Variants in SLC35F4 observed in about 807,000 individuals in gnomAD.
SLC35F4 encodes the protein solute carrier family 35 member F4, also known as chromosome 14 open reading frame 36.
Under a neutral mutation model 44.2 loss-of-function variants are expected in SLC35F4, and 24 were observed. The observed-to-expected ratio is 0.54, with a 90% CI of 0.39 to 0.76. The LOEUF (loss-of-function observed/expected upper bound fraction) is 0.76. Among genes scored for constraint, SLC35F4 ranks in the 30% least tolerant of loss-of-function variants. SLC35F4 has a pLI of 0.00. For missense variants in SLC35F4, 562 were observed against 586.1 expected (o/e 0.96, Z 0.42); for synonymous variants, 238 against 223.6 (o/e 1.06, Z -0.57).
At chr14:57,845,895 C>T (rs540531480) in intron 1 of SLC35F4, among the ~76,000 whole-genome samples, 14 of 152,142 alleles carry the variant, frequency 9.2e-5, no homozygotes, top group Non-Finnish European at 2.1e-4. Context: ...TCCTGGGAGA[C>T]AGCCCTACAC....
intron 1 of SLC35F4, among the ~76,000 whole-genome samples, chr14:57,821,807 T>C (rs1883205893): frequency 6.6e-6 from 1 of 152,206 alleles, no homozygotes; most frequent in Non-Finnish European, 1.5e-5. Flanking sequence ...GCTGAAGTTA[T>C]CACTAATAAA....
chr14:57,833,913 AT>A (rs1884643622), intron 1 of SLC35F4, among the ~76,000 whole-genome samples: 1 of 152,230 alleles, frequency 6.6e-6, no homozygotes, highest in Non-Finnish European at 1.5e-5. Flanking sequence ...AACAGCCTCA[AT>A]TTGAGAAAAT....
At chr14:57,583,840 T>C (rs538337872) in intron 3 of SLC35F4, among the ~76,000 whole-genome samples, 1 of 152,032 alleles carries the variant, frequency 6.6e-6, no homozygotes, top group African/African-American at 2.4e-5. Flanking sequence ...AAAAAAAATA[T>C]GGATTTTTAT....
At chr14:57,624,343 G>A (rs527297748) in intron 1 of SLC35F4, among the ~76,000 whole-genome samples, 11 of 152,250 alleles carry the variant, frequency 7.2e-5, no homozygotes, top group Middle Eastern at 3.4e-3. Flanking sequence ...AGGACCAGGC[G>A]GATTCACAGC....
intron 1 of SLC35F4, among the ~76,000 whole-genome samples, chr14:57,651,366 C>G (rs1008960695): frequency 6.6e-6 from 1 of 152,036 alleles, no homozygotes; most frequent in Non-Finnish European, 1.5e-5. Context: ...AGTGAGTCAT[C>G]CTAGGGAGTG....
chr14:57,831,301 C>T lies in SLC35F4; in HGVS notation c.103+34422G>A, dbSNP rs569303540. ...AGCCGGAAAGAGGGCCCTCACTAGA[C>T]ACAGAGTTTGTTGGCACCTTGATCT... On this transcript the variant is annotated intron_variant, in intron 1 of 7. Transcript: ENST00000556826. Among the ~76,000 whole-genome samples the T allele has an allele frequency of 2.5e-4, 38 of 152,312 alleles. 1 individual carries two copies. The South Asian group carries it at 7.5e-3, about 30-fold the overall frequency.
chr14:57,798,155 T>G (rs1378716236), intron 1 of SLC35F4, among the ~76,000 whole-genome samples: 2 of 139,310 alleles, frequency 1.4e-5, no homozygotes, highest in Non-Finnish European at 3.0e-5. Flanking sequence ...AAAATTGTGA[T>G]AGACCACTGA....
chr14:57,588,629 G>GAAAC (rs1338040293), intron 3 of SLC35F4, among the ~76,000 whole-genome samples: 3 of 152,130 alleles, frequency 2.0e-5, no homozygotes, highest in African/African-American at 7.2e-5. Context: ...GGTTAGCAAG[G>GAAAC]AAACAGACAA....
intron 1 of SLC35F4, among the ~76,000 whole-genome samples, chr14:57,649,845 G>T (rs1293653263): frequency 6.6e-6 from 1 of 152,106 alleles, no homozygotes; most frequent in African/African-American, 2.4e-5. Context: ...TGAATCCAGA[G>T]ATTTGATATT....
intron 1 of SLC35F4, among the ~76,000 whole-genome samples, chr14:57,798,264 C>G (rs542645743): frequency 6.6e-6 from 1 of 152,006 alleles, no homozygotes; most frequent in African/African-American, 2.4e-5. Context: ...CCTAGAGGAC[C>G]TGAGAGGCTA....
rs188157353 is a variant in SLC35F4 at position 57,864,366 on chromosome 14, A to G, written c.103+1357T>C. Among the ~76,000 whole-genome samples, 914 of 152,312 alleles carry G rather than the reference A, an allele frequency of 6.0e-3. 10 individuals are homozygous for G. The highest frequency in any genetic ancestry group is 0.017 in the Middle Eastern group (5 of 294). ...TTCCAGAAAATTCTAACACTATATA[A>G]TTACTTTTGTATGGAAAATGAATAA... is the stretch of plus-strand genomic sequence containing the variant. On this transcript the variant is annotated intron_variant, in intron 1 of 7. Transcript: ENST00000556826.
At chr14:57,847,578 C>T (rs12434226) in intron 1 of SLC35F4, among the ~76,000 whole-genome samples, 45,468 of 151,920 alleles carry the variant, frequency 0.3, 8,889 homozygotes, top group East Asian at 0.72. Flanking sequence ...TCCTATAATA[C>T]AAGGTCATGT....
At chr14:57,583,858 C>T (rs545308776) in intron 3 of SLC35F4, among the ~76,000 whole-genome samples, 52 of 152,082 alleles carry the variant, frequency 3.4e-4, no homozygotes, top group African/African-American at 1.1e-3. Flanking sequence ...TATGGAGAAG[C>T]GAATAACAGT....
chr14:57,697,985 C>T (rs931325042), intron 1 of SLC35F4, among the ~76,000 whole-genome samples: 4 of 152,148 alleles, frequency 2.6e-5, no homozygotes, highest in Admixed American at 2.6e-4. Context: ...CAGATTTCAC[C>T]ATTTACCGGC....
At chr14:57,695,737 C>T (rs542689010) in intron 1 of SLC35F4, among the ~76,000 whole-genome samples, 20 of 152,274 alleles carry the variant, frequency 1.3e-4, no homozygotes, top group Middle Eastern at 3.4e-3. Context: ...TTTATAACAG[C>T]ACTACTCACA....
chr14:57,929,923 T>C (rs1889661486), intron 1 of SLC35F4, among the ~76,000 whole-genome samples: 2 of 152,108 alleles, frequency 1.3e-5, no homozygotes, highest in South Asian at 4.1e-4. Flanking sequence ...TTTTTTTCCC[T>C]TCACAGAAAC....
At chr14:57,908,321 C>T (rs1889149464) in intron 1 of SLC35F4, among the ~76,000 whole-genome samples, 1 of 152,176 alleles carries the variant, frequency 6.6e-6, no homozygotes, top group Admixed American at 6.5e-5. Context: ...AATGGGATTG[C>T]TGAGTTAAAT....
intron 1 of SLC35F4, among the ~76,000 whole-genome samples, chr14:57,735,167 T>C (rs957798741): frequency 6.6e-6 from 1 of 152,204 alleles, no homozygotes; most frequent in African/African-American, 2.4e-5. Flanking sequence ...GTGACTTAGT[T>C]GCAGACTTTT....
At chr14:57,810,962 A>C (rs1733685803) in intron 1 of SLC35F4, among the ~76,000 whole-genome samples, 1 of 152,210 alleles carries the variant, frequency 6.6e-6, no homozygotes. Flanking sequence ...TATTAAGGGA[A>C]GCTCTGTCCC....
Sources: gnomAD v4.1 joint callset for allele counts (sites outside exome capture counted in the v4.1 genomes callset) on GRCh38, gnomAD v4.1.1 for gene constraint, MANE v1.5 for transcripts, NCBI Gene and HGNC (gene_info 2026-07-23, HGNC 2026-07-21) for gene names.